CACNA1E: variants seen among roughly 807,000 people sequenced by gnomAD.
The protein encoded by CACNA1E is voltage-dependent R-type calcium channel subunit alpha-1E.
Under a neutral mutation model 259.2 loss-of-function variants are expected in CACNA1E, and 40 were observed. That is an observed-to-expected ratio of 0.15 (90% CI 0.12 to 0.20). The LOEUF is 0.20. Ranked by LOEUF, CACNA1E falls within the 10% of genes least tolerant of loss-of-function variation. The pLI is 1.00. For synonymous variants in CACNA1E, 1,104 were observed against 1,138.5 expected (o/e 0.97, Z 0.61); for missense variants, 1,874 against 3,040.1 (o/e 0.62, Z 9.02).
At chr1:181,370,826 C>CT (rs1449432475) in intron 1 of CACNA1E, among the ~76,000 whole-genome samples, 1 of 152,140 alleles carries the variant, frequency 6.6e-6, no homozygotes, top group Non-Finnish European at 1.5e-5. Context: ...TAATTCTGCT[C>CT]TAAGTTCTTT....
At chr1:181,447,373 G>GA (rs900170392) in intron 2 of CACNA1E, among the ~76,000 whole-genome samples, 14 of 146,366 alleles carry the variant, frequency 9.6e-5, no homozygotes, top group Admixed American at 4.1e-4. Context: ...AAAAAAAAAA[G>GA]AAAAAAAAAA....
chr1:181,481,108 C>T (rs1026029553), upstream of CACNA1E, among the ~76,000 whole-genome samples: 2 of 152,116 alleles, frequency 1.3e-5, no homozygotes, highest in Non-Finnish European at 2.9e-5. Context: ...CTCCGTTTCA[C>T]GACTGACTAG....
chr1:181,501,696 A>G (rs970106887), intron 1 of CACNA1E, among the ~76,000 whole-genome samples: 1 of 151,942 alleles, frequency 6.6e-6, no homozygotes, highest in African/African-American at 2.4e-5. Context: ...TGGCATTTCC[A>G]TCTTCTTGAC....
chr1:181,565,885 G>C (rs1339717498), intron 3 of CACNA1E, among the ~76,000 whole-genome samples: 1 of 141,304 alleles, frequency 7.1e-6, no homozygotes, highest in Non-Finnish European at 1.6e-5. Flanking sequence ...CTGGTCCTGG[G>C]GGGTACCTGC....
At chr1:181,613,340 C>A (rs544677289) in intron 6 of CACNA1E, among the ~76,000 whole-genome samples, 1 of 152,176 alleles carries the variant, frequency 6.6e-6, no homozygotes, top group South Asian at 2.1e-4. Context: ...CTACTAATAG[C>A]CTACTATGGG....
At chr1:181,458,856 TCCATCCATCCATCCAC>T (rs1661626051) in intron 2 of CACNA1E, among the ~76,000 whole-genome samples, 1 of 152,022 alleles carries the variant, frequency 6.6e-6, no homozygotes, top group Admixed American at 6.5e-5. Flanking sequence ...CATCCATCCA[TCCATCCATCCATCCAC>T]CCATCCATTT....
chr1:181,719,794 G>A lies in CACNA1E; in HGVS notation c.1682G>A (p.Arg561Lys). The A allele has an allele frequency of 6.2e-7, 1 of 1,605,912 alleles. No individual in the cohort carries two copies. Among genetic ancestry groups the A allele is most frequent in the Non-Finnish European group, 8.5e-7 (1 of 1,176,214 alleles). The part of the protein sequence containing the change: ...SIFEVVWAIF[R>K]PGTSFGISVL... Reference sequence around the variant, plus strand: ...TTTGAAGTGGTCTGGGCAATCTTCAGACCTGGTACGTCTTTTGGAATCAGT... The same window carrying A: ...TTTGAAGTGGTCTGGGCAATCTTCAAACCTGGTACGTCTTTTGGAATCAGT... The change falls in exon 13 of 48, where the codon AGA becomes AAA. Residue 561 changes from arginine to lysine, a missense_variant. By Grantham distance (26) the Arg-to-Lys change is conservative (BLOSUM62 2). Around this residue, in one of 14 missense-constraint regions of CACNA1E, gnomAD observed 102 missense variants for 279.4 expected, o/e 0.37. Transcript: ENST00000367573.
chr1:181,497,637 G>A (rs547340360), intron 1 of CACNA1E, among the ~76,000 whole-genome samples: 1 of 152,320 alleles, frequency 6.6e-6, no homozygotes, highest in East Asian at 1.9e-4. Context: ...TAGATGATTA[G>A]CTTAAGGTCA....
chr1:181,416,101 G>C (rs1029894161), intron 2 of CACNA1E, among the ~76,000 whole-genome samples: 6 of 152,066 alleles, frequency 3.9e-5, no homozygotes, highest in Admixed American at 2.0e-4. Flanking sequence ...GGAAAGGGGA[G>C]GTCTGGAAAG....
intron 44 of CACNA1E, among the ~76,000 whole-genome samples, chr1:181,793,128 C>T (rs899751672): frequency 6.6e-6 from 1 of 152,226 alleles, no homozygotes; most frequent in Non-Finnish European, 1.5e-5. Flanking sequence ...GACTGTGTCA[C>T]TCAGGGCATC....
At chr1:181,521,488 A>G (rs1027903654) in intron 3 of CACNA1E, among the ~76,000 whole-genome samples, 1 of 152,194 alleles carries the variant, frequency 6.6e-6, no homozygotes, top group Non-Finnish European at 1.5e-5. Flanking sequence ...TGAGCTCTGA[A>G]CTATGGTGTG....
intron 1 of CACNA1E, among the ~76,000 whole-genome samples, chr1:181,334,722 C>T (rs1651558599): frequency 6.6e-6 from 1 of 152,242 alleles, no homozygotes; most frequent in Non-Finnish European, 1.5e-5. Context: ...TCACAGCCTA[C>T]CACTAACTGA....
intron 2 of CACNA1E, among the ~76,000 whole-genome samples, chr1:181,461,398 G>A (rs916342934): frequency 7.3e-5 from 11 of 151,660 alleles, no homozygotes; most frequent in Admixed American, 3.3e-4. Context: ...AAAATTAGCC[G>A]GGCGTGGTGG....
At chr1:181,504,763 C>T (rs1029629079) in intron 1 of CACNA1E, among the ~76,000 whole-genome samples, 2 of 152,138 alleles carry the variant, frequency 1.3e-5, no homozygotes, top group Non-Finnish European at 2.9e-5. Context: ...AGCCATGTTG[C>T]TAAGGAAACA....
chr1:181,373,814 C>T (rs1389237410), intron 1 of CACNA1E, among the ~76,000 whole-genome samples: 3 of 152,124 alleles, frequency 2.0e-5, no homozygotes, highest in African/African-American at 4.8e-5. Context: ...CATGGACCAC[C>T]GTGCCTGGCC....
At chr1:181,739,081 C>A in intron 24 of CACNA1E, 66 bp from the exon 25 acceptor site, 1 of 940,998 alleles carries the variant, frequency 1.1e-6, no homozygotes, top group South Asian at 1.3e-5. Flanking sequence ...CCATGATGAA[C>A]AGAGCTCAGG....
Position 181,798,506 on chromosome 1 carries a change from C to A in CACNA1E, c.6614C>A (p.Ala2205Asp). ...LTSQALESNN[A>D]CLTESSNSPH... ...TCCCAAGCTCTGGAGAGCAACAATGCTTGCCTGACCGAGTCTTCCAACTCT... is the reference window on the plus strand; with the variant it reads ...TCCCAAGCTCTGGAGAGCAACAATGATTGCCTGACCGAGTCTTCCAACTCT... Residue 2205 changes from alanine (A) to aspartate (D), a missense_variant, in exon 48 of 48, where the codon GCT (alanine) becomes GAT (aspartate). By Grantham distance (126) the Ala-to-Asp change is moderately radical (BLOSUM62 -2). Coordinates refer to ENST00000367573, the MANE Select transcript of CACNA1E (RefSeq NM_001205293.3). This position sits in a 1 kb window ranked among gnomAD's most constrained non-coding sequence, Gnocchi z 4.2. 6.2e-7 allele frequency: 1 copy of A among 1,613,962 alleles called. No homozygotes were observed. The highest frequency in any genetic ancestry group is 8.5e-7 in the Non-Finnish European group (1 of 1,179,904).
chr1:181,737,641 C>G lies in CACNA1E; in HGVS notation c.3539C>G (p.Ser1180Trp). 6.2e-7 allele frequency: 1 copy of G among 1,613,800 alleles called. No homozygotes were observed. The highest frequency in any genetic ancestry group is 8.5e-7 in the Non-Finnish European group (1 of 1,179,774). Residue 1180 changes from serine (S) to tryptophan (W), a missense_variant, in exon 23 of 48, where the codon TCG (serine) becomes TGG (tryptophan). Physicochemically the swap from Ser to Trp is radical, Grantham distance 177. Coordinates refer to ENST00000367573, the MANE Select transcript of CACNA1E (RefSeq NM_001205293.3). ...GCAGAGGACCCCGTCCTGACCAACT[C>G]GGAGCGCAACAAAGTGGGTACACAG... ...LAAEDPVLTN[S>W]ERNKVLRYFD... is the part of the protein sequence containing the mutation.
intron 1 of CACNA1E, among the ~76,000 whole-genome samples, chr1:181,382,167 G>A (rs181127430): frequency 1.9e-4 from 29 of 152,242 alleles, no homozygotes; most frequent in African/African-American, 7.0e-4. Flanking sequence ...ATGAAGATGA[G>A]GGGAAAAGTG....
Sources: allele counts gnomAD v4.1 joint callset (sites outside exome capture counted in the v4.1 genomes callset), GRCh38; gene constraint gnomAD v4.1.1; regional missense constraint gnomAD v4.1.1; non-coding constraint Gnocchi (gnomAD v3.1); transcripts MANE v1.5; gene names NCBI Gene and HGNC (gene_info 2026-07-23, HGNC 2026-07-21).